BCAR3: variants seen among roughly 807,000 people sequenced by gnomAD.
BCAR3 encodes the protein BCAR3 adaptor protein, NSP family member, also known as breast cancer anti-estrogen resistance protein 3.
In BCAR3, 37 loss-of-function variants were observed where a neutral mutation model predicts 80.1. That is an observed-to-expected ratio of 0.46 (90% CI 0.36 to 0.61). The LOEUF (loss-of-function observed/expected upper bound fraction) is 0.61. Ranked by LOEUF, BCAR3 falls within the 20% of genes least tolerant of loss-of-function variation. The pLI is 0.00. For synonymous variants in BCAR3, 389 were observed against 418.9 expected, an observed-to-expected ratio of 0.93 and a Z score of 0.87; for missense variants, 978 against 1,068.2, an observed-to-expected ratio of 0.92 and a Z score of 1.18.
At chr1:93,597,412 A>G (rs2101859785) in intron 3 of BCAR3, among the ~76,000 whole-genome samples, 1 of 152,344 alleles carries the variant, frequency 6.6e-6, no homozygotes, top group East Asian at 1.9e-4. Context: ...TCCTATCCCC[A>G]GCATTTTAAT....
At chr1:93,641,089 GC>G (rs1454255039) in intron 3 of BCAR3, among the ~76,000 whole-genome samples, 10 of 152,236 alleles carry the variant, frequency 6.6e-5, no homozygotes, top group Admixed American at 2.0e-4. Flanking sequence ...TGGTGTGGTA[GC>G]CCTGCAGGTT....
intron 1 of BCAR3, among the ~76,000 whole-genome samples, chr1:93,679,124 G>A (rs1049127816): frequency 6.6e-5 from 10 of 152,080 alleles, no homozygotes; most frequent in Admixed American, 4.6e-4. Context: ...TCAACCTGAC[G>A]GTTTCTCATT....
intron 3 of BCAR3, among the ~76,000 whole-genome samples, chr1:93,641,850 T>C (rs1675987190): frequency 6.6e-6 from 1 of 152,084 alleles, no homozygotes; most frequent in East Asian, 1.9e-4. Flanking sequence ...ACACTAACAT[T>C]AAAAAAACCT....
At chr1:93,635,705 C>T (rs1339578318) in intron 3 of BCAR3, among the ~76,000 whole-genome samples, 1 of 152,234 alleles carries the variant, frequency 6.6e-6, no homozygotes, top group African/African-American at 2.4e-5. Context: ...ATGGCGCTGG[C>T]TCTGCCAATG....
upstream of BCAR3, chr1:93,847,195 C>A: frequency 5.2e-6 from 1 of 191,994 alleles, no homozygotes. Context: ...GGGGTCCCGG[C>A]CGGGCTGGAG....
In BCAR3 at chr1:93,582,852, C is replaced by T; in HGVS notation, c.1135G>A (p.Val379Ile). Residue 379 changes from valine (V) to isoleucine (I), a missense_variant, in exon 7 of 12, where the codon GTT becomes ATT. Val to Ile is a conservative substitution (Grantham distance 29, BLOSUM62 3). Coordinates refer to ENST00000260502, the MANE Select transcript of BCAR3 (RefSeq NM_003567.4). ...CTGGCGTCTGAGGAGACCCTCCGAA[C>T]CACTGCTGGGCTCAGGGCAGGCTCG... The part of the protein sequence containing the change: ...GSEPALSPAV[V>I]RRVSSDARAG... 1.2e-6 allele frequency: 2 copies of T among 1,613,216 alleles called. No homozygotes were observed. Among genetic ancestry groups the T allele is most frequent in the Non-Finnish European group, 1.7e-6 (2 of 1,179,976 alleles).
intron 2 of BCAR3, among the ~76,000 whole-genome samples, chr1:93,748,928 C>T (rs1430585480): frequency 3.3e-5 from 5 of 152,146 alleles, no homozygotes; most frequent in South Asian, 2.1e-4. Flanking sequence ...CTGAAGACAA[C>T]GAAGGTGCTG....
upstream of BCAR3, among the ~76,000 whole-genome samples, chr1:93,682,216 C>T (rs563794884): frequency 1.3e-5 from 2 of 152,148 alleles, no homozygotes; most frequent in Non-Finnish European, 2.9e-5. Flanking sequence ...GAACCATCCA[C>T]GGGAACAGGC....
intron 2 of BCAR3, among the ~76,000 whole-genome samples, chr1:93,712,298 A>T (rs1015843307): frequency 2.0e-5 from 3 of 152,200 alleles, no homozygotes; most frequent in African/African-American, 7.2e-5. Flanking sequence ...CTTGGTCTCA[A>T]GAATGCAGTC....
At chr1:93,613,785 C>T (rs1431206045) in intron 3 of BCAR3, 3 of 1,527,016 alleles carry the variant, frequency 2.0e-6, no homozygotes, top group African/African-American at 2.8e-5. Flanking sequence ...CTTTAGGAAA[C>T]TCATGCTTTC....
At chr1:93,748,870 G>A (rs150846800) in intron 2 of BCAR3, among the ~76,000 whole-genome samples, 57 of 152,292 alleles carry the variant, frequency 3.7e-4, no homozygotes, top group African/African-American at 1.4e-3. Context: ...ATGGGAATAG[G>A]AACTGTGTCC....
intron 3 of BCAR3, chr1:93,602,228 C>T (rs1261939531): frequency 1.3e-5 from 2 of 152,126 alleles, no homozygotes; most frequent in African/African-American, 4.8e-5. Context: ...GCCAGGACTA[C>T]AGGTCTGCAC....
chr1:93,569,116 G>A (rs765001071), intron 9 of BCAR3, among the ~76,000 whole-genome samples: 3 of 152,274 alleles, frequency 2.0e-5, no homozygotes, highest in South Asian at 2.1e-4. Flanking sequence ...CCCTAAAACC[G>A]GCAAGGCTAT....
At chr1:93,845,502 A>ATATCTATCTCATGTTGTCAAG in intron 2 of BCAR3, 9 of 113,820 alleles carry the variant, frequency 7.9e-5, no homozygotes, top group African/African-American at 1.8e-4. Flanking sequence ...ATATATATAT[A>ATATCTATCTCATGTTGTCAAG]AAACTTTGTT....
rs1648176564 is a variant in BCAR3, at chr1:93,671,004, AT to A, written c.317+3609del. ...AATTATAATAAAGGTTATTATTATTATTTTTTGAAATGGAGTCTCACTCTGT... is the reference window on the plus strand; with the variant it reads ...AATTATAATAAAGGTTATTATTATTATTTTTGAAATGGAGTCTCACTCTGT... On this transcript the variant is annotated intron_variant, in intron 2 of 11. Coordinates refer to ENST00000260502, the MANE Select transcript of BCAR3 (RefSeq NM_003567.4). Among the ~76,000 whole-genome samples the A allele has an allele frequency of 2.6e-5, 4 of 151,870 alleles. No individual in the cohort carries two copies. In the South Asian group the frequency reaches 6.3e-4, roughly 24 times the overall value.
intron 2 of BCAR3, among the ~76,000 whole-genome samples, chr1:93,669,815 T>C (rs746047677): frequency 3.3e-5 from 5 of 152,212 alleles, no homozygotes; most frequent in Non-Finnish European, 5.9e-5. Flanking sequence ...GAGACTATTA[T>C]TCTAAGTGAA....
At position 93,714,704 on chromosome 1, in the gene BCAR3, C is replaced by CT. The variant is rs374499120; in HGVS notation, c.-62-8563dup. ...ACTAATCACAACTAAGACCGCCTTT[C>CT]TTTTTTTTTTTTCAGATGTCCTAAA... On this transcript the variant is annotated intron_variant, in intron 2 of 13. Transcript: ENST00000370244. Among the ~76,000 whole-genome samples, 527 of 144,884 alleles carry CT rather than the reference C, an allele frequency of 3.6e-3. 2 individuals carry two copies. Among genetic ancestry groups the CT allele is most frequent in the African/African-American group, 0.01 (410 of 39,770 alleles).
intron 3 of BCAR3, chr1:93,605,272 G>C (rs1674741596): frequency 6.6e-6 from 1 of 152,180 alleles, no homozygotes; most frequent in Non-Finnish European, 1.5e-5. Flanking sequence ...ATCATTATTG[G>C]ACTAGAGAAA....
chr1:93,602,371 T>G (rs1179518043), intron 3 of BCAR3: 1 of 152,232 alleles, frequency 6.6e-6, no homozygotes, highest in African/African-American at 2.4e-5. Flanking sequence ...AAAAGACAGA[T>G]CCACATCTCA....
Sources: gnomAD v4.1 joint callset for allele counts (sites outside exome capture counted in the v4.1 genomes callset) on GRCh38, gnomAD v4.1.1 for gene constraint, MANE v1.5 for transcripts, NCBI Gene and HGNC (gene_info 2026-07-23, HGNC 2026-07-21) for gene names.